VPS13B: variants seen among roughly 807,000 people sequenced by gnomAD.
VPS13B encodes the protein intermembrane lipid transfer protein VPS13B.
VPS13B carries 285 observed loss-of-function variants against 426.4 expected under a neutral mutation model. The ratio of observed to expected loss-of-function variants is 0.67; its 90% confidence interval spans 0.61 to 0.74. The LOEUF (loss-of-function observed/expected upper bound fraction) is 0.74, where lower values mean the gene tolerates loss of function less well. Among genes scored for constraint, VPS13B ranks in the 30% least tolerant of loss-of-function variants. The pLI, the probability that VPS13B is intolerant of heterozygous loss-of-function variation, is 0.00. For missense variants in VPS13B, 4,537 were observed against 4,782.6 expected, an observed-to-expected ratio of 0.95 and a Z score of 1.51; for synonymous variants, 1,676 against 1,676.4, an observed-to-expected ratio of 1.00 and a Z score of 0.01.
At chr8:99,121,031 G>T in intron 7 of VPS13B, 146 bp from the exon 8 acceptor site, 1 of 681,056 alleles carries the variant, frequency 1.5e-6, no homozygotes, top group East Asian at 2.7e-5. Context: ...CTAAATTATT[G>T]GTTTCAAATA....
intron 5 of VPS13B, among the ~76,000 whole-genome samples, chr8:99,103,675 A>T (rs529323342): frequency 6.6e-6 from 1 of 151,532 alleles, no homozygotes; most frequent in East Asian, 1.9e-4. Flanking sequence ...AATTTTTTGT[A>T]TTTTTAGTAG....
intron 16 of VPS13B, among the ~76,000 whole-genome samples, chr8:99,190,186 T>G (rs1275304589): frequency 6.6e-6 from 1 of 152,144 alleles, no homozygotes; most frequent in Non-Finnish European, 1.5e-5. Flanking sequence ...GTAATAGTCT[T>G]TGTTCCAGAG....
chr8:99,633,836 T>TGTGTGTGTGTGTGTGTGTGTGTGTGTGC (rs1432874227), intron 33 of VPS13B, among the ~76,000 whole-genome samples: 3 of 151,334 alleles, frequency 2.0e-5, no homozygotes, highest in African/African-American at 7.3e-5. Flanking sequence ...TGTGTGTGTG[T>TGTGTGTGTGTGTGTGTGTGTGTGTGTGC]GTGCGTGTTT....
At chr8:99,406,549 C>T (rs1032251946) in intron 21 of VPS13B, among the ~76,000 whole-genome samples, 1 of 152,130 alleles carries the variant, frequency 6.6e-6, no homozygotes, top group Non-Finnish European at 1.5e-5. Context: ...AATTTCACTT[C>T]GTGTGCATAA....
At chr8:99,793,546 G>A (rs551331003) in intron 43 of VPS13B, among the ~76,000 whole-genome samples, 38 of 152,096 alleles carry the variant, frequency 2.5e-4, no homozygotes, top group Non-Finnish European at 4.7e-4. Flanking sequence ...AAGATATTTG[G>A]GAGGTTAAAA....
intron 17 of VPS13B, among the ~76,000 whole-genome samples, chr8:99,270,322 A>G (rs1207616119): frequency 2.0e-5 from 3 of 151,218 alleles, no homozygotes; most frequent in Non-Finnish European, 1.5e-5. Context: ...TACTTTTAGT[A>G]TAGATGTGGT....
At chr8:99,589,470 C>T (rs1309347080) in intron 33 of VPS13B, among the ~76,000 whole-genome samples, 1 of 151,562 alleles carries the variant, frequency 6.6e-6, no homozygotes. Flanking sequence ...GTTTTTTGTC[C>T]TTGCGATAGT....
chr8:99,747,861 T>C (rs1247706741), intron 39 of VPS13B, among the ~76,000 whole-genome samples: 16 of 151,934 alleles, frequency 1.1e-4, no homozygotes, highest in Non-Finnish European at 2.4e-4. Context: ...TTTTTTCTCT[T>C]GGGCGGCAGG....
chr8:99,458,204 G>C (rs1209685796), intron 23 of VPS13B, among the ~76,000 whole-genome samples: 1 of 151,984 alleles, frequency 6.6e-6, no homozygotes, highest in Non-Finnish European at 1.5e-5. Context: ...TGCTGAGAAT[G>C]ATGGTTTCCA....
intron 43 of VPS13B, among the ~76,000 whole-genome samples, chr8:99,791,005 C>T (rs1004310938): frequency 3.3e-5 from 5 of 152,072 alleles, no homozygotes; most frequent in African/African-American, 4.8e-5. Context: ...TGATAATCTA[C>T]GTACCCAGAG....
chr8:99,067,592 C>T (rs181245272), intron 3 of VPS13B, among the ~76,000 whole-genome samples: 18 of 152,080 alleles, frequency 1.2e-4, no homozygotes, highest in Non-Finnish European at 1.9e-4. Context: ...TGTATACCTA[C>T]GTAACAAAAC....
At chr8:99,164,595 C>T (rs574856181) in intron 15 of VPS13B, among the ~76,000 whole-genome samples, 1 of 152,258 alleles carries the variant, frequency 6.6e-6, no homozygotes, top group African/African-American at 2.4e-5. Flanking sequence ...GTTGAAGACC[C>T]ACATAAGTAG....
intron 19 of VPS13B, among the ~76,000 whole-genome samples, chr8:99,318,666 C>T (rs984770162): frequency 9.9e-5 from 15 of 151,950 alleles, no homozygotes; most frequent in African/African-American, 1.9e-4. Flanking sequence ...ACTACAGGCA[C>T]GCACCACCAA....
intron 18 of VPS13B, 26 bp from the exon 19 acceptor site, chr8:99,275,055 A>T: frequency 6.4e-7 from 1 of 1,553,862 alleles, no homozygotes; most frequent in East Asian, 2.4e-5. Flanking sequence ...TATTTTTATT[A>T]TTGTTTTATA....
chr8:99,744,863 C>T (rs1390434871), intron 39 of VPS13B, among the ~76,000 whole-genome samples: 21 of 151,858 alleles, frequency 1.4e-4, no homozygotes, highest in South Asian at 6.2e-4. Context: ...GAGATACACC[C>T]AATGTTAAAT....
At chr8:99,279,751 A>G (rs941176096) in intron 19 of VPS13B, among the ~76,000 whole-genome samples, 2 of 151,916 alleles carry the variant, frequency 1.3e-5, no homozygotes, top group Non-Finnish European at 2.9e-5. Flanking sequence ...GAATCAAAAG[A>G]ATTTAGGCCA....
chr8:99,748,333 CCT>C (rs1323174588), intron 39 of VPS13B, among the ~76,000 whole-genome samples: 3 of 151,906 alleles, frequency 2.0e-5, no homozygotes, highest in African/African-American at 7.2e-5. Flanking sequence ...AGGAAATTTG[CCT>C]CTCTGTAGAT....
chr8:99,570,749 T>C (rs991068099), intron 31 of VPS13B, among the ~76,000 whole-genome samples: 15 of 152,272 alleles, frequency 9.9e-5, no homozygotes, highest in African/African-American at 3.6e-4. Context: ...ATTAGAAGCT[T>C]ATCTTCAATG....
At chr8:99,534,593 T>G (rs1823097945) in intron 30 of VPS13B, among the ~76,000 whole-genome samples, 1 of 152,182 alleles carries the variant, frequency 6.6e-6, no homozygotes, top group Non-Finnish European at 1.5e-5. Context: ...ACTAACATTA[T>G]CATGTGAAAT....
Sources: allele counts gnomAD v4.1 joint callset (sites outside exome capture counted in the v4.1 genomes callset), GRCh38; gene constraint gnomAD v4.1.1; transcripts MANE v1.5; gene names NCBI Gene and HGNC (gene_info 2026-07-23, HGNC 2026-07-21).